PARD3B: variants seen among roughly 807,000 people sequenced by gnomAD.
PARD3B encodes the protein par-3 family cell polarity regulator beta, also known as partitioning defective 3 homolog B.
Under a neutral mutation model 130.2 loss-of-function variants are expected in PARD3B, and 103 were observed. The ratio of observed to expected loss-of-function variants is 0.79; its 90% CI spans 0.67 to 0.93. The LOEUF (loss-of-function observed/expected upper bound fraction) is 0.93, where lower values mean the gene tolerates loss of function less well. Among genes scored for constraint, PARD3B ranks in the 40% least tolerant of loss-of-function variants. The pLI, the probability that PARD3B is intolerant of heterozygous loss-of-function variation, is 0.00. For synonymous variants in PARD3B, 583 were observed against 553.2 expected, an observed-to-expected ratio of 1.05 and a Z score of -0.76; for missense variants, 1,609 against 1,499.2, an observed-to-expected ratio of 1.07 and a Z score of -1.21.
rs1313425537 is a variant in PARD3B, at chr2:205,366,081, C to T, written c.2631-34932C>T. Among the ~76,000 whole-genome samples the T allele has an allele frequency of 6.6e-6, 1 of 152,116 alleles. No individual in the cohort carries two copies. Among genetic ancestry groups the T allele is most frequent in the Non-Finnish European group, 1.5e-5 (1 of 68,028 alleles). ...CCATCTATCCCCCCACTCATCCATC[C>T]ATCCGTTTATCCATCCATTCATCCA... is the stretch of plus-strand genomic sequence containing the variant. On this transcript the variant is annotated intron_variant, in intron 18 of 22. Transcript: ENST00000406610. The surrounding 1 kb of genome is among the most constrained non-coding windows in gnomAD (Gnocchi z 5.0).
At chr2:205,479,080 A>G (rs1287615569) in intron 20 of PARD3B, among the ~76,000 whole-genome samples, 1 of 152,204 alleles carries the variant, frequency 6.6e-6, no homozygotes, top group Non-Finnish European at 1.5e-5. Flanking sequence ...ATATGTGTAA[A>G]TGGCAGAGTC....
chr2:205,192,031 C>A (rs145011243), intron 14 of PARD3B, among the ~76,000 whole-genome samples: 3 of 152,256 alleles, frequency 2.0e-5, no homozygotes, highest in African/African-American at 7.2e-5. Context: ...ACAGGTACTT[C>A]CTTAATTTAC....
chr2:205,153,284 A>T (rs998341012), intron 10 of PARD3B, among the ~76,000 whole-genome samples: 14 of 152,192 alleles, frequency 9.2e-5, no homozygotes, highest in African/African-American at 3.1e-4. Flanking sequence ...CTCAAACTCC[A>T]TGCTGAGAGA....
intron 4 of PARD3B, among the ~76,000 whole-genome samples, chr2:205,060,400 A>G (rs1203489694): frequency 6.6e-6 from 1 of 152,170 alleles, no homozygotes; most frequent in African/African-American, 2.4e-5. Flanking sequence ...TAAGACATTC[A>G]TATTCATAGA....
At chr2:205,519,576 G>C (rs1362427830) in intron 21 of PARD3B, among the ~76,000 whole-genome samples, 2 of 152,004 alleles carry the variant, frequency 1.3e-5, no homozygotes, top group African/African-American at 2.4e-5. Context: ...TTCTATTTGT[G>C]TCATTCTAGC....
intron 15 of PARD3B, among the ~76,000 whole-genome samples, chr2:205,226,186 T>C (rs749791836): frequency 1.3e-5 from 2 of 152,150 alleles, no homozygotes; most frequent in African/African-American, 2.4e-5. Context: ...GGACTACAGG[T>C]GCCTGCCACC....
chr2:204,642,971 A>G (rs1382016959), intron 1 of PARD3B, among the ~76,000 whole-genome samples: 3 of 151,012 alleles, frequency 2.0e-5, no homozygotes, highest in Non-Finnish European at 4.4e-5. Flanking sequence ...AAAATTAGCC[A>G]GGCGTGGTGG....
chr2:204,829,711 T>C (rs2043730780), intron 2 of PARD3B, among the ~76,000 whole-genome samples: 2 of 152,184 alleles, frequency 1.3e-5, no homozygotes, highest in South Asian at 2.1e-4. Context: ...TAAAAATGTG[T>C]AGCACTGGCC....
chr2:205,385,782 T>C (rs2045640715), intron 18 of PARD3B, among the ~76,000 whole-genome samples: 1 of 152,138 alleles, frequency 6.6e-6, no homozygotes, highest in African/African-American at 2.4e-5. Flanking sequence ...TTAAGGTAGC[T>C]ACATTAATTA....
chr2:205,257,534 A>T (rs1180820038), intron 16 of PARD3B, among the ~76,000 whole-genome samples: 1 of 152,200 alleles, frequency 6.6e-6, no homozygotes, highest in Non-Finnish European at 1.5e-5. Flanking sequence ...TTGATTTAGT[A>T]GTCTGGTGGC....
intron 10 of PARD3B, among the ~76,000 whole-genome samples, chr2:205,152,746 G>A (rs1159598855): frequency 6.6e-6 from 1 of 152,178 alleles, no homozygotes. Context: ...ATCTCCTGAA[G>A]CCTACTTCTG....
intron 2 of PARD3B, among the ~76,000 whole-genome samples, chr2:204,783,410 A>G (rs975518614): frequency 6.6e-6 from 1 of 152,070 alleles, no homozygotes; most frequent in African/African-American, 2.4e-5. Flanking sequence ...AAGGGGACCA[A>G]TCTTACAGGA....
At chr2:205,469,707 C>G (rs1402867416) in intron 20 of PARD3B, among the ~76,000 whole-genome samples, 1 of 152,188 alleles carries the variant, frequency 6.6e-6, no homozygotes, top group African/African-American at 2.4e-5. Context: ...TGGTATTGCT[C>G]TCTAACCATT....
chr2:205,091,407 C>G lies in PARD3B; in HGVS notation c.505-13019C>G, dbSNP rs1042719866. 6.6e-6 allele frequency among the ~76,000 whole-genome samples: 1 copy of G among 152,122 alleles called. No individual in the cohort carries two copies. Among genetic ancestry groups the G allele is most frequent in the South Asian group, 2.1e-4 (1 of 4,808 alleles). On this transcript the variant is annotated intron_variant, in intron 4 of 22. Coordinates refer to ENST00000406610, the MANE Select transcript of PARD3B (RefSeq NM_001302769.2). This position sits in a 1 kb window ranked among gnomAD's most constrained non-coding sequence, Gnocchi z 4.2. ...GAAAAGATCGCAGCATTGGCGACCT[C>G]TCACTTTTCTGCACCTTCTCGGGGA...
chr2:204,850,260 C>T (rs867483652), intron 2 of PARD3B, among the ~76,000 whole-genome samples: 28 of 151,922 alleles, frequency 1.8e-4, no homozygotes, highest in East Asian at 7.7e-4. Flanking sequence ...TTTCTTCTTC[C>T]GATATTTCTA....
At chr2:204,757,517 A>AT (rs897350959) in intron 2 of PARD3B, among the ~76,000 whole-genome samples, 7 of 151,360 alleles carry the variant, frequency 4.6e-5, no homozygotes, top group African/African-American at 9.7e-5. Context: ...GATGTTGAGC[A>AT]TTTTTTTTCA....
At chr2:205,069,137 T>G (rs1700566140) in intron 4 of PARD3B, among the ~76,000 whole-genome samples, 1 of 152,112 alleles carries the variant, frequency 6.6e-6, no homozygotes, top group Non-Finnish European at 1.5e-5. Flanking sequence ...AAATTCTGCT[T>G]TTCATTTTCT....
At chr2:205,492,308 T>C (rs2049747752) in intron 20 of PARD3B, among the ~76,000 whole-genome samples, 1 of 152,180 alleles carries the variant, frequency 6.6e-6, no homozygotes, top group Admixed American at 6.6e-5. Context: ...TTTAATATTA[T>C]TCACCCTTTC....
intron 12 of PARD3B, among the ~76,000 whole-genome samples, chr2:205,175,760 A>G (rs1052608749): frequency 5.9e-5 from 9 of 152,240 alleles, no homozygotes; most frequent in African/African-American, 2.2e-4. Flanking sequence ...GTTCTCTATC[A>G]TCAGCCTCCT....
Sources: gnomAD v4.1 joint callset for allele counts (sites outside exome capture counted in the v4.1 genomes callset) on GRCh38, gnomAD v4.1.1 for gene constraint, Gnocchi (gnomAD v3.1) non-coding constraint, MANE v1.5 for transcripts, NCBI Gene and HGNC (gene_info 2026-07-23, HGNC 2026-07-21) for gene names.